OR5A1: variants seen among roughly 807,000 people sequenced by gnomAD.
The protein encoded by OR5A1 is olfactory receptor 5A1.
In OR5A1, 6 loss-of-function variants were observed where a neutral mutation model predicts 6.7. That is an observed-to-expected ratio of 0.89 (90% CI 0.49 to 1.76). OR5A1 has a LOEUF of 1.76. Ranked by LOEUF, OR5A1 falls within the 40% of genes most tolerant of loss-of-function variation. The pLI is 0.01. For missense variants in OR5A1, 378 were observed against 381.7 expected (o/e 0.99, Z 0.08); for synonymous variants, 170 against 155.0 (o/e 1.10, Z -0.72).
At chr11:59,441,099 A>G (rs113574587) in intron 1 of OR5A1, among the ~76,000 whole-genome samples, 1 of 152,306 alleles carries the variant, frequency 6.6e-6, no homozygotes, top group Non-Finnish European at 1.5e-5. Flanking sequence ...TTGATTTGTG[A>G]AAATTGAGGA....
intron 1 of OR5A1, among the ~76,000 whole-genome samples, chr11:59,437,976 G>A (rs900182055): frequency 6.6e-6 from 1 of 152,156 alleles, no homozygotes; most frequent in East Asian, 1.9e-4. Context: ...TATCCCCTTG[G>A]TGATTAGTGA....
Position 59,450,716 on chromosome 11 carries a change from A to G in OR5A1, c.*6600A>G, listed in dbSNP as rs1770323266. On this transcript the variant is annotated 3_prime_UTR_variant, in exon 2 of 2. Coordinates refer to ENST00000641045, the MANE Select transcript of OR5A1 (RefSeq NM_001004728.2). ...TACTACTGTTGTGATATATTAATAC[A>G]TCTTTTCAGACTTCTAGCCATGTAG... The G allele has an allele frequency of 6.6e-6, 1 of 152,198 alleles. No individual in the cohort carries two copies. The highest frequency in any genetic ancestry group is 6.5e-5 in the Admixed American group (1 of 15,272). The allele number at this position is 152,198 out of a possible 1,614,324, so 9.4% of individuals were successfully genotyped here. A position where few individuals can be genotyped will look rare whatever the true frequency, so the allele number is the denominator to read the frequency against.
intron 1 of OR5A1, among the ~76,000 whole-genome samples, chr11:59,441,534 A>G (rs1858480130): frequency 6.6e-6 from 1 of 152,222 alleles, no homozygotes; most frequent in Non-Finnish European, 1.5e-5. Context: ...TTTAAGGGTC[A>G]TTCACCATAA....
intron 1 of OR5A1, among the ~76,000 whole-genome samples, chr11:59,440,754 A>C (rs940294255): frequency 1.3e-5 from 2 of 152,220 alleles, no homozygotes; most frequent in Non-Finnish European, 2.9e-5. Flanking sequence ...AAGGATAAAG[A>C]ATCCTCTCTT....
In OR5A1 at chr11:59,448,953, G is replaced by C. The variant is rs1348155616; in HGVS notation, c.*4837G>C. 4 of 152,156 alleles carry C rather than the reference G, an allele frequency of 2.6e-5. No individual in the cohort carries two copies. The South Asian group carries it at 8.3e-4, about 32-fold the overall frequency. The allele number at this position is 152,156 out of a possible 1,614,324, so 9.4% of individuals were successfully genotyped here. ...TCAAATTTGATGTTGATATAATTTAGAGAAGGAGCCTTTGGAGATTCCTCA... is the reference window on the plus strand; with the variant it reads ...TCAAATTTGATGTTGATATAATTTACAGAAGGAGCCTTTGGAGATTCCTCA... On this transcript the variant is annotated 3_prime_UTR_variant, in exon 2 of 2. Transcript: ENST00000641045.
rs564181367 is a variant in OR5A1, at chr11:59,448,961, G to A, written c.*4845G>A. 1 of 152,174 alleles carries A rather than the reference G, an allele frequency of 6.6e-6. No individual in the cohort carries two copies. Among genetic ancestry groups the A allele is most frequent in the South Asian group, 2.1e-4 (1 of 4,818 alleles). 9.4% of individuals were successfully genotyped at this position (152,174 alleles called of 1,614,324 possible). ...GATGTTGATATAATTTAGAGAAGGA[G>A]CCTTTGGAGATTCCTCAGACTTCCC... is the stretch of plus-strand genomic sequence containing the variant. On this transcript the variant is annotated 3_prime_UTR_variant, in exon 2 of 2. Transcript: ENST00000641045.
rs2134540304 is a variant in OR5A1, at chr11:59,446,718, C to T, written c.*2602C>T. On this transcript the variant is annotated 3_prime_UTR_variant, in exon 2 of 2. Coordinates refer to ENST00000641045, the MANE Select transcript of OR5A1 (RefSeq NM_001004728.2). Reference sequence around the variant, plus strand: ...TCCCACCTCCAGATAATTACCCTTTCATTTCAGGCACTCACAGTGGAATTG... The same window carrying T: ...TCCCACCTCCAGATAATTACCCTTTTATTTCAGGCACTCACAGTGGAATTG... 1 of 152,338 alleles carries T rather than the reference C, an allele frequency of 6.6e-6. No homozygotes were observed. The highest frequency in any genetic ancestry group is 1.9e-4 in the East Asian group (1 of 5,190). 9.4% of individuals were successfully genotyped at this position (152,338 alleles called of 1,614,324 possible). A position where few individuals can be genotyped will look rare whatever the true frequency, so the allele number is the denominator to read the frequency against.
Position 59,443,567 on chromosome 11 carries a change from T to C in OR5A1, c.399T>C (p.Leu133=). The part of the protein sequence containing the change: ...YDRYAAISSP[L]LYPTIMTQGL... Reference sequence around the variant, plus strand: ...GATATGCAGCCATCTCCAGCCCCCTTCTCTACCCCACTATCATGACCCAGG... The same window carrying C: ...GATATGCAGCCATCTCCAGCCCCCTCCTCTACCCCACTATCATGACCCAGG... The change falls in exon 2 of 2, where the codon CTT becomes CTC. Residue 133 remains leucine (L), a synonymous_variant. Coordinates refer to ENST00000641045, the MANE Select transcript of OR5A1 (RefSeq NM_001004728.2). The C allele has an allele frequency of 6.2e-7, 1 of 1,614,020 alleles. No homozygotes were observed. Among genetic ancestry groups the C allele is most frequent in the Non-Finnish European group, 8.5e-7 (1 of 1,180,004 alleles).
rs113341435 is a variant in OR5A1, at chr11:59,445,258, A to T, written c.*1142A>T. On this transcript the variant is annotated 3_prime_UTR_variant, in exon 2 of 2. Transcript: ENST00000641045. ...TCTTACTTACAAGTGAGAACATTGG[A>T]TATTTGGTTATCTGTTCTTGGGTTA... is the stretch of plus-strand genomic sequence containing the variant. The T allele has an allele frequency of 6.6e-6, 1 of 151,956 alleles. No homozygotes were observed. Among genetic ancestry groups the T allele is most frequent in the Non-Finnish European group, 1.5e-5 (1 of 67,990 alleles). 9.4% of individuals were successfully genotyped at this position (151,956 alleles called of 1,614,324 possible). A position where few individuals can be genotyped will look rare whatever the true frequency, so the allele number is the denominator to read the frequency against.
At chr11:59,441,847 C>T (rs975338844) in intron 1 of OR5A1, among the ~76,000 whole-genome samples, 4 of 151,726 alleles carry the variant, frequency 2.6e-5, no homozygotes, top group African/African-American at 9.7e-5. Context: ...TACTATGGGC[C>T]AGGCATGATC....
At position 59,449,405 on chromosome 11, in the gene OR5A1, T is replaced by C. The variant is rs1390582476; in HGVS notation, c.*5289T>C. The stretch of plus-strand genomic sequence containing the variant: ...GTCCATTTGCAATTCTGGAAGTATA[T>C]GTCATCTTGAACTAGAAGCTTCAGG... On this transcript the variant is annotated 3_prime_UTR_variant, in exon 2 of 2. Transcript: ENST00000641045. 1 of 152,212 alleles carries C rather than the reference T, an allele frequency of 6.6e-6. No individual in the cohort carries two copies. Among genetic ancestry groups the C allele is most frequent in the African/African-American group, 2.4e-5 (1 of 41,456 alleles). The allele number at this position is 152,212 out of a possible 1,614,324, so 9.4% of individuals were successfully genotyped here.
Position 59,443,197 on chromosome 11 carries a change from C to T in OR5A1, c.29C>T (p.Ser10Leu). MSITKAWNSSSVTMFILLGF... is the reference protein window; with the variant it reads MSITKAWNSLSVTMFILLGF... ...TCCATAACCAAAGCCTGGAACAGCT[C>T]ATCAGTGACCATGTTCATCCTCCTG... The change falls in exon 2 of 2, where the codon TCA becomes TTA. Residue 10 changes from serine to leucine, a missense_variant. Physicochemically the swap from Ser to Leu is moderately radical, Grantham distance 145. Coordinates refer to ENST00000641045, the MANE Select transcript of OR5A1 (RefSeq NM_001004728.2). 6.2e-7 allele frequency: 1 copy of T among 1,614,024 alleles called. No homozygotes were observed. Among genetic ancestry groups the T allele is most frequent in the East Asian group, 2.2e-5 (1 of 44,888 alleles).
At chr11:59,440,249 A>C (rs1858466786) in intron 1 of OR5A1, among the ~76,000 whole-genome samples, 1 of 151,848 alleles carries the variant, frequency 6.6e-6, no homozygotes, top group South Asian at 2.1e-4. Flanking sequence ...TTTTATTTTT[A>C]TTTGTAGAGA....
In OR5A1 at chr11:59,444,321, A is replaced by T. The variant is rs1455711752; in HGVS notation, c.*205A>T. The T allele has an allele frequency of 3.4e-5, 9 of 267,948 alleles. No individual in the cohort carries two copies. The highest frequency in any genetic ancestry group is 1.1e-4 in the East Asian group (2 of 17,884). The allele number at this position is 267,948 out of a possible 1,614,324, so 16.6% of individuals were successfully genotyped here. Reference sequence around the variant, plus strand: ...CAAAAAGGGAAGGAATTTCTTCAGAAAAAAAAAAAAAAAAAAAAGAACCTC... The same window carrying T: ...CAAAAAGGGAAGGAATTTCTTCAGATAAAAAAAAAAAAAAAAAAGAACCTC... On this transcript the variant is annotated 3_prime_UTR_variant, in exon 2 of 2. Coordinates refer to ENST00000641045, the MANE Select transcript of OR5A1 (RefSeq NM_001004728.2).
rs192387259 is a variant in OR5A1 at position 59,451,173 on chromosome 11, T to C, written c.*7057T>C. The stretch of plus-strand genomic sequence containing the variant: ...TATGCCAACAGTGGACTTTTCAACA[T>C]TGGTTAATCTTCTAGATGAGAAATG... On this transcript the variant is annotated 3_prime_UTR_variant, in exon 2 of 2. Coordinates refer to ENST00000641045, the MANE Select transcript of OR5A1 (RefSeq NM_001004728.2). 1.5e-3 allele frequency: 226 copies of C among 152,328 alleles called. No homozygotes were observed. Among genetic ancestry groups the C allele is most frequent in the African/African-American group, 5.2e-3 (216 of 41,572 alleles). The allele number at this position is 152,328 out of a possible 1,614,324, so 9.4% of individuals were successfully genotyped here.
rs373812166 is a variant in OR5A1, at chr11:59,448,992, A to G, written c.*4876A>G. 5.1e-4 allele frequency: 77 copies of G among 152,206 alleles called. No homozygotes were observed. The highest frequency in any genetic ancestry group is 1.6e-3 in the African/African-American group (67 of 41,532). The allele number at this position is 152,206 out of a possible 1,614,324, so 9.4% of individuals were successfully genotyped here. A position where few individuals can be genotyped will look rare whatever the true frequency, so the allele number is the denominator to read the frequency against. ...GGAGATTCCTCAGACTTCCCTGTAC[A>G]CAGTTTCATCACCTCCTTATTAGAT... is the stretch of plus-strand genomic sequence containing the variant. On this transcript the variant is annotated 3_prime_UTR_variant, in exon 2 of 2. Coordinates refer to ENST00000641045, the MANE Select transcript of OR5A1 (RefSeq NM_001004728.2).
At position 59,443,657 on chromosome 11, in the gene OR5A1, C is replaced by CA; in HGVS notation, c.490dup (p.Ser164LysfsTer5). 6.2e-7 allele frequency: 1 copy of CA among 1,614,120 alleles called. No homozygotes were observed. Among genetic ancestry groups the CA allele is most frequent in the East Asian group, 2.2e-5 (1 of 44,868 alleles). ...GCTTCCTGAGCTCCCTGATCCAGGC[C>CA]AGCTCCATATTTAGGCTTCACTTTT... On this transcript the variant is annotated frameshift_variant, in exon 2 of 2. Coordinates refer to ENST00000641045, the MANE Select transcript of OR5A1 (RefSeq NM_001004728.2). LOFTEE classifies it high-confidence loss of function.
intron 1 of OR5A1, among the ~76,000 whole-genome samples, chr11:59,437,239 G>A (rs1444634109): frequency 1.3e-5 from 2 of 152,066 alleles, no homozygotes; most frequent in South Asian, 2.1e-4. Flanking sequence ...GTATTCCGTG[G>A]GTTTGGGCAA....
rs761717286 is a variant in OR5A1 at position 59,443,763 on chromosome 11, C to CA, written c.597dup (p.Val200SerfsTer121). The CA allele has an allele frequency of 1.9e-6, 3 of 1,614,098 alleles. No individual in the cohort carries two copies. The South Asian group carries it at 3.3e-5, about 18-fold the overall frequency. On this transcript the variant is annotated frameshift_variant, in exon 2 of 2. Coordinates refer to ENST00000641045, the MANE Select transcript of OR5A1 (RefSeq NM_001004728.2). LOFTEE classifies it high-confidence loss of function. ...GTCTTGCTCTGACACCTTCCTCAGTCAAGTGGTGAATTTCCTCGTGGTGGT... is the reference window on the plus strand; with the variant it reads ...GTCTTGCTCTGACACCTTCCTCAGTCAAAGTGGTGAATTTCCTCGTGGTGGT...
Sources: gnomAD v4.1 joint callset for allele counts (sites outside exome capture counted in the v4.1 genomes callset) on GRCh38, gnomAD v4.1.1 for gene constraint, MANE v1.5 for transcripts, NCBI Gene and HGNC (gene_info 2026-07-23, HGNC 2026-07-21) for gene names.